FRMD5: variants seen among roughly 807,000 people sequenced by gnomAD.
FRMD5 encodes FERM domain-containing protein 5.
FRMD5 carries 20 observed loss-of-function variants against 69.0 expected under a neutral mutation model. The observed-to-expected ratio is 0.29, with a 90% confidence interval of 0.20 to 0.42. The LOEUF is 0.42. Ranked by LOEUF, FRMD5 falls within the 10% of genes least tolerant of loss-of-function variation. FRMD5 has a pLI of 1.00. For missense variants in FRMD5, 595 were observed against 708.6 expected, an observed-to-expected ratio of 0.84 and a Z score of 1.82; for synonymous variants, 271 against 260.1, an observed-to-expected ratio of 1.04 and a Z score of -0.40.
At chr15:43,991,567 A>G (rs1889679195) in intron 1 of FRMD5, among the ~76,000 whole-genome samples, 1 of 152,260 alleles carries the variant, frequency 6.6e-6, no homozygotes, top group Admixed American at 6.5e-5. Flanking sequence ...CAAATTGGGC[A>G]TATTAACACC....
At chr15:44,005,655 T>C (rs536701857) in intron 1 of FRMD5, among the ~76,000 whole-genome samples, 14 of 152,140 alleles carry the variant, frequency 9.2e-5, no homozygotes, top group African/African-American at 3.1e-4. Flanking sequence ...GCATCTCACA[T>C]GGCCGGAGCA....
At chr15:44,098,115 C>CAAAAAAAAAAAAAAA (rs749591300) in intron 1 of FRMD5, among the ~76,000 whole-genome samples, 1 of 15,730 alleles carries the variant, frequency 6.4e-5, no homozygotes, top group East Asian at 2.4e-3. Context: ...AGTGACAAAA[C>CAAAAAAAAAAAAAAA]AAAAAAAAAA....
intron 1 of FRMD5, among the ~76,000 whole-genome samples, chr15:44,172,008 C>T (rs2077813075): frequency 1.3e-5 from 2 of 152,098 alleles, no homozygotes; most frequent in South Asian, 4.1e-4. Flanking sequence ...AAGTGATCCA[C>T]CTACCTCAGC....
chr15:44,139,727 C>CAAAAAAAAAAA (rs71111842), intron 1 of FRMD5, among the ~76,000 whole-genome samples: 37 of 72,046 alleles, frequency 5.1e-4, no homozygotes, highest in African/African-American at 6.8e-4. Context: ...CCAGTCTCTA[C>CAAAAAAAAAAA]AAAAAAAAAA....
chr15:44,189,815 T>A (rs2078164365), intron 1 of FRMD5, among the ~76,000 whole-genome samples: 1 of 152,132 alleles, frequency 6.6e-6, no homozygotes, highest in Non-Finnish European at 1.5e-5. Context: ...GTTTTATTGG[T>A]CACCAGGGTC....
chr15:43,909,181 G>A (rs553143069), intron 5 of FRMD5, among the ~76,000 whole-genome samples: 1 of 152,084 alleles, frequency 6.6e-6, no homozygotes, highest in East Asian at 1.9e-4. Flanking sequence ...GATCACCTGA[G>A]GTCAGGGGTT....
chr15:44,152,955 A>C (rs532084799), intron 1 of FRMD5, among the ~76,000 whole-genome samples: 1 of 152,236 alleles, frequency 6.6e-6, no homozygotes, highest in Admixed American at 6.5e-5. Flanking sequence ...CAATAAGCAC[A>C]TGAAAAGATG....
At chr15:43,994,458 CT>C (rs538798618) in intron 1 of FRMD5, among the ~76,000 whole-genome samples, 6 of 151,992 alleles carry the variant, frequency 3.9e-5, no homozygotes, top group Non-Finnish European at 8.8e-5. Context: ...TTTTATTTTA[CT>C]TTTCTGAGAG....
chr15:43,907,008 G>A (rs2089192345), intron 5 of FRMD5, among the ~76,000 whole-genome samples: 1 of 152,092 alleles, frequency 6.6e-6, no homozygotes, highest in Non-Finnish European at 1.5e-5. Context: ...AAGATCTCAG[G>A]GCAGTAAACT....
intron 1 of FRMD5, among the ~76,000 whole-genome samples, chr15:43,942,605 T>C (rs893024153): frequency 2.0e-5 from 3 of 152,200 alleles, no homozygotes; most frequent in Non-Finnish European, 4.4e-5. Flanking sequence ...GGGATTAGTA[T>C]TTAGTGATAT....
chr15:44,161,286 T>A (rs1022751231), intron 1 of FRMD5, among the ~76,000 whole-genome samples: 1 of 152,194 alleles, frequency 6.6e-6, no homozygotes, highest in Non-Finnish European at 1.5e-5. Flanking sequence ...TCTCTAACCA[T>A]GCTCATCTTG....
intron 1 of FRMD5, among the ~76,000 whole-genome samples, chr15:43,936,549 C>G (rs533575501): frequency 1.3e-5 from 2 of 152,188 alleles, no homozygotes; most frequent in South Asian, 2.1e-4. Context: ...ACCTGATGAG[C>G]TCCTCCTTCC....
intron 1 of FRMD5, among the ~76,000 whole-genome samples, chr15:44,135,250 T>A (rs965962565): frequency 6.6e-6 from 1 of 152,152 alleles, no homozygotes; most frequent in South Asian, 2.1e-4. Flanking sequence ...GAGTTAAATG[T>A]TTTTCTAAGT....
chr15:44,087,252 T>G (rs1894235761), intron 1 of FRMD5, among the ~76,000 whole-genome samples: 1 of 152,122 alleles, frequency 6.6e-6, no homozygotes, highest in Non-Finnish European at 1.5e-5. Flanking sequence ...ACTCTTGACT[T>G]CAGGTAATCC....
intron 1 of FRMD5, among the ~76,000 whole-genome samples, chr15:44,008,738 C>T (rs773524584): frequency 2.0e-5 from 3 of 152,056 alleles, no homozygotes; most frequent in Non-Finnish European, 4.4e-5. Flanking sequence ...TAAAAATTAG[C>T]TTCCCAGGCC....
chr15:44,090,022 C>T (rs889573023), intron 1 of FRMD5, among the ~76,000 whole-genome samples: 4 of 152,282 alleles, frequency 2.6e-5, no homozygotes, highest in African/African-American at 7.2e-5. Context: ...TGCACACACA[C>T]GTGCATGCAT....
chr15:44,020,211 A>G (rs1355481159), intron 1 of FRMD5, among the ~76,000 whole-genome samples: 1 of 151,818 alleles, frequency 6.6e-6, no homozygotes, highest in East Asian at 1.9e-4. Context: ...ATCTTGGCTC[A>G]CCATTTCATA....
intron 1 of FRMD5, among the ~76,000 whole-genome samples, chr15:44,023,925 A>T (rs780525052): frequency 2.0e-5 from 3 of 152,130 alleles, no homozygotes; most frequent in East Asian, 1.9e-4. Flanking sequence ...CTCGTTTTCC[A>T]TATCTAGTGG....
intron 13 of FRMD5, 122 bp from the exon 14 acceptor site, chr15:43,874,584 C>A: frequency 8.6e-6 from 6 of 696,498 alleles, no homozygotes; most frequent in Non-Finnish European, 1.5e-5. Flanking sequence ...GCAGTAGCCA[C>A]TGCACTCTAT....
Sources: allele counts gnomAD v4.1 joint callset (sites outside exome capture counted in the v4.1 genomes callset), GRCh38; gene constraint gnomAD v4.1.1; transcripts MANE v1.5; gene names NCBI Gene and HGNC (gene_info 2026-07-23, HGNC 2026-07-21).